The following HS3ST5 variants were observed in gnomAD, a reference collection of about 807,000 sequenced individuals.
HS3ST5 encodes heparan sulfate glucosamine 3-O-sulfotransferase 5.
Under a neutral mutation model 25.4 loss-of-function variants are expected in HS3ST5, and 10 were observed. That is an observed-to-expected ratio of 0.39 (90% confidence interval 0.24 to 0.67). HS3ST5 has a LOEUF of 0.67. Ranked by LOEUF, HS3ST5 falls within the 30% of genes least tolerant of loss-of-function variation. The probability of loss-of-function intolerance (pLI) is 0.44; values close to 1 mark genes in which losing one functional copy is unlikely to be tolerated. For synonymous variants in HS3ST5, 170 were observed against 162.4 expected (o/e 1.05, Z -0.36); for missense variants, 324 against 420.7 (o/e 0.77, Z 2.01).
intron 3 of HS3ST5, chr6:114,089,084 G>T (rs1244693509): frequency 6.6e-6 from 1 of 152,250 alleles, no homozygotes; most frequent in African/African-American, 2.4e-5. Context: ...ATGAATAAAT[G>T]ATCAGTGCAA....
At chr6:114,227,003 T>A (rs958603145) in intron 2 of HS3ST5, among the ~76,000 whole-genome samples, 2 of 151,968 alleles carry the variant, frequency 1.3e-5, no homozygotes, top group Non-Finnish European at 2.9e-5. Context: ...TTTTATCCAA[T>A]GATAAACTTG....
At chr6:114,075,554 A>G (rs888744114) in intron 3 of HS3ST5, among the ~76,000 whole-genome samples, 6 of 152,212 alleles carry the variant, frequency 3.9e-5, no homozygotes, top group African/African-American at 1.4e-4. Context: ...GTGCTCAGAA[A>G]GGCCCTGTGC....
intron 1 of HS3ST5, among the ~76,000 whole-genome samples, chr6:114,312,905 C>T (rs141205400): frequency 1.1e-4 from 17 of 150,876 alleles, no homozygotes; most frequent in Non-Finnish European, 1.8e-4. Context: ...TGGTACATGC[C>T]TATAGTTACT....
intron 3 of HS3ST5, among the ~76,000 whole-genome samples, chr6:114,165,847 C>T (rs1343173836): frequency 6.6e-6 from 1 of 152,032 alleles, no homozygotes; most frequent in Non-Finnish European, 1.5e-5. Flanking sequence ...ATGCCTACTT[C>T]ATAGAGTTAT....
chr6:114,163,210 T>C (rs1779054252), intron 3 of HS3ST5, among the ~76,000 whole-genome samples: 1 of 152,164 alleles, frequency 6.6e-6, no homozygotes, highest in Non-Finnish European at 1.5e-5. Flanking sequence ...CTTAGTGAAA[T>C]TGTAGACTAT....
chr6:114,168,041 AAAAC>A (rs1232969401), intron 3 of HS3ST5, among the ~76,000 whole-genome samples: 1 of 152,166 alleles, frequency 6.6e-6, no homozygotes, highest in Non-Finnish European at 1.5e-5. Context: ...CAGCTTGACA[AAAAC>A]AAACACACAC....
At chr6:114,224,233 T>C (rs1051022409) in intron 2 of HS3ST5, among the ~76,000 whole-genome samples, 8 of 151,722 alleles carry the variant, frequency 5.3e-5, no homozygotes, top group East Asian at 1.9e-4. Flanking sequence ...TATGCTACGA[T>C]ACAATTTGAA....
chr6:114,069,506 A>T (rs1213308074), intron 3 of HS3ST5, among the ~76,000 whole-genome samples: 1 of 151,220 alleles, frequency 6.6e-6, no homozygotes, highest in African/African-American at 2.4e-5. Context: ...TTGGATACTT[A>T]CATGGGAGAA....
chr6:114,334,627 GTATAGTCACATGC>G (rs766250542), intron 1 of HS3ST5, among the ~76,000 whole-genome samples: 5 of 152,148 alleles, frequency 3.3e-5, no homozygotes, highest in African/African-American at 4.8e-5. Flanking sequence ...ACAGTATTCA[GTATAGTCACATGC>G]TATACAGGTT....
intron 3 of HS3ST5, among the ~76,000 whole-genome samples, chr6:114,103,179 A>C (rs534819990): frequency 6.6e-6 from 1 of 152,268 alleles, no homozygotes; most frequent in East Asian, 1.9e-4. Context: ...TGATATACAG[A>C]ACTTTTAAAA....
chr6:114,152,542 AAAG>A (rs1456002736), intron 3 of HS3ST5, among the ~76,000 whole-genome samples: 2 of 152,200 alleles, frequency 1.3e-5, no homozygotes, highest in Admixed American at 1.3e-4. Context: ...TGGTTTTTAT[AAAG>A]AAGGAGGAGT....
chr6:114,137,903 A>T (rs1036033885), intron 3 of HS3ST5, among the ~76,000 whole-genome samples: 1 of 152,190 alleles, frequency 6.6e-6, no homozygotes, highest in Admixed American at 6.5e-5. Flanking sequence ...GAGTTTTCAG[A>T]CTTCTTCAAT....
intron 3 of HS3ST5, among the ~76,000 whole-genome samples, chr6:114,100,783 T>C (rs2114820150): frequency 6.6e-6 from 1 of 152,276 alleles, no homozygotes; most frequent in African/African-American, 2.4e-5. Context: ...AATATTTAGT[T>C]CCAAAACATA....
chr6:114,197,292 A>G (rs1030640587), intron 2 of HS3ST5, among the ~76,000 whole-genome samples: 3 of 152,060 alleles, frequency 2.0e-5, no homozygotes, highest in African/African-American at 7.2e-5. Flanking sequence ...TGTCAGTCCC[A>G]TACAAATTTA....
chr6:114,082,314 T>C (rs1774498432), intron 3 of HS3ST5, among the ~76,000 whole-genome samples: 1 of 152,238 alleles, frequency 6.6e-6, no homozygotes, highest in South Asian at 2.1e-4. Flanking sequence ...GAGTTGAAGC[T>C]GGTTTTAAAA....
chr6:114,151,970 G>T (rs1434611453), intron 3 of HS3ST5, among the ~76,000 whole-genome samples: 1 of 151,594 alleles, frequency 6.6e-6, no homozygotes, highest in Non-Finnish European at 1.5e-5. Flanking sequence ...AGGGTCTGTC[G>T]CCTAGGCTGG....
chr6:114,165,640 A>G (rs1322799206), intron 3 of HS3ST5, among the ~76,000 whole-genome samples: 1 of 152,198 alleles, frequency 6.6e-6, no homozygotes, highest in African/African-American at 2.4e-5. Context: ...GCCTGAGGCA[A>G]CTTGACGTCA....
intron 1 of HS3ST5, among the ~76,000 whole-genome samples, chr6:114,279,883 A>G (rs1774029891): frequency 6.6e-6 from 1 of 152,002 alleles, no homozygotes; most frequent in South Asian, 2.1e-4. Flanking sequence ...AGTGGTAGAA[A>G]CATCATGGTG....
intron 1 of HS3ST5, among the ~76,000 whole-genome samples, chr6:114,286,852 AC>A (rs1441803001): frequency 4.6e-5 from 7 of 152,134 alleles, no homozygotes; most frequent in African/African-American, 1.2e-4. Flanking sequence ...TAAGAAAAAA[AC>A]AACTCGCATT....
Sources: gnomAD v4.1 joint callset for allele counts (sites outside exome capture counted in the v4.1 genomes callset) on GRCh38, gnomAD v4.1.1 for gene constraint, MANE v1.5 for transcripts, NCBI Gene and HGNC (gene_info 2026-07-23, HGNC 2026-07-21) for gene names.